Variants in PHTF2 observed in about 807,000 individuals in gnomAD.
PHTF2 encodes protein PHTF2.
In PHTF2, 60 loss-of-function variants were observed where a neutral mutation model predicts 101.2. The ratio of observed to expected loss-of-function variants is 0.59; its 90% CI spans 0.48 to 0.73. PHTF2 has a LOEUF of 0.73. PHTF2 is among the 30% of genes least tolerant of loss of function. PHTF2 has a pLI of 0.00. For synonymous variants in PHTF2, 311 were observed against 307.3 expected (o/e 1.01, Z -0.13); for missense variants, 747 against 908.7 (o/e 0.82, Z 2.29).
intron 11 of PHTF2, among the ~76,000 whole-genome samples, chr7:77,925,268 G>A (rs1181613245): frequency 6.6e-6 from 1 of 152,024 alleles, no homozygotes; most frequent in Non-Finnish European, 1.5e-5. Context: ...TAAATACTAT[G>A]TGTTCTCTAA....
chr7:77,942,535 C>T (rs1244414560), intron 15 of PHTF2, among the ~76,000 whole-genome samples, 165 bp from the exon 15 acceptor site: 1 of 152,166 alleles, frequency 6.6e-6, no homozygotes, highest in African/African-American at 2.4e-5. Context: ...AATCATAACA[C>T]TATCATTAAA....
chr7:77,915,540 G>T (rs999528458), intron 9 of PHTF2, among the ~76,000 whole-genome samples: 1 of 151,854 alleles, frequency 6.6e-6, no homozygotes, highest in African/African-American at 2.4e-5. Flanking sequence ...TGCTCAATTT[G>T]GTAAAAAGCT....
chr7:77,821,535 C>T (rs1052135229), intron 1 of PHTF2, among the ~76,000 whole-genome samples: 9 of 151,872 alleles, frequency 5.9e-5, no homozygotes, highest in African/African-American at 1.4e-4. Flanking sequence ...CAAGGCTGCT[C>T]GGGGAGCTCA....
intron 3 of PHTF2, among the ~76,000 whole-genome samples, chr7:77,866,768 A>AT (rs1477463268): frequency 2.6e-5 from 4 of 152,258 alleles, no homozygotes; most frequent in African/African-American, 9.6e-5. Flanking sequence ...TTGCCTTAAA[A>AT]TATGACATAG....
At chr7:77,827,767 G>T (rs1010323276) in intron 1 of PHTF2, among the ~76,000 whole-genome samples, 1 of 152,056 alleles carries the variant, frequency 6.6e-6, no homozygotes, top group Non-Finnish European at 1.5e-5. Context: ...AGGATCCCAA[G>T]TAGCTGGGAT....
intron 16 of PHTF2, among the ~76,000 whole-genome samples, chr7:77,944,004 AAAAC>A (rs552837015): frequency 2.5e-4 from 38 of 152,192 alleles, no homozygotes; most frequent in Non-Finnish European, 3.8e-4. Flanking sequence ...TCTGTCTCCA[AAAAC>A]AAACAAATAA....
intron 1 of PHTF2, among the ~76,000 whole-genome samples, chr7:77,832,033 A>ATT (rs57416130): frequency 4.9e-5 from 7 of 143,798 alleles, no homozygotes; most frequent in African/African-American, 1.8e-4. Flanking sequence ...CTCTCCAGAG[A>ATT]TTTTTTTTTT....
intron 13 of PHTF2, 31 bp from the exon 13 acceptor site, chr7:77,939,999 C>T (rs1229843119): frequency 6.6e-7 from 1 of 1,519,482 alleles, no homozygotes; most frequent in Non-Finnish European, 8.9e-7. Context: ...TTTTATTTTT[C>T]TTTTCTCTCT....
intron 19 of PHTF2, among the ~76,000 whole-genome samples, chr7:77,954,356 A>G (rs902554890): frequency 5.3e-5 from 8 of 151,446 alleles, no homozygotes; most frequent in African/African-American, 1.9e-4. Context: ...CTGGTCTCGA[A>G]CTCCTGACCT....
chr7:77,856,411 AGTGGT>A (rs1194939340), intron 3 of PHTF2, among the ~76,000 whole-genome samples: 1 of 152,088 alleles, frequency 6.6e-6, no homozygotes, highest in Non-Finnish European at 1.5e-5. Context: ...GCTAGAGTAC[AGTGGT>A]GTGCTCATAT....
chr7:77,834,312 C>CAAA (rs34947684), intron 1 of PHTF2, among the ~76,000 whole-genome samples: 40 of 89,034 alleles, frequency 4.5e-4, no homozygotes, highest in African/African-American at 6.2e-4. Context: ...GACCTTGTCT[C>CAAA]AAAAAAAAAA....
chr7:77,882,174 C>T lies in PHTF2; in HGVS notation c.148-11434C>T, dbSNP rs188673650. Among the ~76,000 whole-genome samples the T allele has an allele frequency of 5.3e-5, 8 of 152,142 alleles. No individual in the cohort carries two copies. The East Asian group carries it at 1.5e-3, about 29-fold the overall frequency. On this transcript the variant is annotated intron_variant, in intron 3 of 19. Coordinates refer to ENST00000416283, the Ensembl canonical transcript of PHTF2. ...TTGGGAATATTTTAATTAGCTTTAG[C>T]TTTTATTACTCATAATGAATGGAAT...
At chr7:77,898,232 T>G (rs1801057243) in intron 5 of PHTF2, among the ~76,000 whole-genome samples, 1 of 152,140 alleles carries the variant, frequency 6.6e-6, no homozygotes, top group Admixed American at 6.5e-5. Flanking sequence ...CTTTTGATTC[T>G]TAAAACAATC....
chr7:77,894,195 T>C (rs1800691657), intron 5 of PHTF2, among the ~76,000 whole-genome samples: 1 of 152,216 alleles, frequency 6.6e-6, no homozygotes, highest in Non-Finnish European at 1.5e-5. Context: ...TTCCTGAACA[T>C]GTAATCATAT....
chr7:77,819,828 G>T (rs117007964), intron 1 of PHTF2, among the ~76,000 whole-genome samples: 3,360 of 152,210 alleles, frequency 0.022, 52 homozygotes, highest in Middle Eastern at 0.068. Flanking sequence ...TTCCCTAAAG[G>T]TTCAGTAAAA....
At position 77,910,100 on chromosome 7, in the gene PHTF2, TAAATTTTATCTA is replaced by T. The variant is rs1343309923; in HGVS notation, c.612-144_612-133del. The T allele has an allele frequency of 9.3e-5, 57 of 612,936 alleles. No homozygotes were observed. In the African/African-American group the frequency reaches 9.5e-4, roughly 10 times the overall value. 38.0% of individuals were successfully genotyped at this position (612,936 alleles called of 1,614,324 possible). On this transcript the variant is annotated intron_variant, in intron 8 of 19. Coordinates refer to ENST00000416283, the Ensembl canonical transcript of PHTF2. ...TGAATATGCATCATGATATTTGGAT[TAAATTTTATCTA>T]GTAAATCTAAATTTTATTATGTGTT...
At chr7:77,887,638 G>T (rs565861288) in intron 3 of PHTF2, among the ~76,000 whole-genome samples, 8 of 152,278 alleles carry the variant, frequency 5.3e-5, no homozygotes, top group African/African-American at 1.7e-4. Flanking sequence ...AATTGACCTT[G>T]TTGTCATTAA....
chr7:77,865,036 C>T (rs981329225), intron 3 of PHTF2, among the ~76,000 whole-genome samples: 1 of 151,740 alleles, frequency 6.6e-6, no homozygotes, highest in African/African-American at 2.4e-5. Context: ...TTGACATGAC[C>T]CTAGTAGTAT....
intron 16 of PHTF2, among the ~76,000 whole-genome samples, chr7:77,944,763 G>A (rs1434658299): frequency 6.6e-6 from 1 of 152,174 alleles, no homozygotes; most frequent in African/African-American, 2.4e-5. Context: ...GAAAGACATA[G>A]ATAACACTGT....
Sources: allele counts gnomAD v4.1 joint callset (sites outside exome capture counted in the v4.1 genomes callset), GRCh38; gene constraint gnomAD v4.1.1; transcripts MANE v1.5; gene names NCBI Gene and HGNC (gene_info 2026-07-23, HGNC 2026-07-21).